Variants in CLEC1B observed in about 807,000 individuals in gnomAD.
CLEC1B encodes C-type lectin domain family 1 member B.
In CLEC1B, 26 loss-of-function variants were observed where a neutral mutation model predicts 26.7. That is an observed-to-expected ratio of 0.97 (90% CI 0.71 to 1.35). The LOEUF (loss-of-function observed/expected upper bound fraction) is 1.35. Ranked by LOEUF, CLEC1B falls within the 40% of genes most tolerant of loss-of-function variation. CLEC1B has a pLI of 0.00. For missense variants in CLEC1B, 293 were observed against 282.6 expected, an observed-to-expected ratio of 1.04 and a Z score of -0.26; for synonymous variants, 112 against 96.0, an observed-to-expected ratio of 1.17 and a Z score of -0.97.
intron 4 of CLEC1B, chr12:9,995,682 A>T: frequency 4.2e-6 from 1 of 238,812 alleles, no homozygotes; most frequent in South Asian, 5.0e-5. Context: ...ATAAAATCTT[A>T]CATATGGAAG....
chr12:9,993,777 G>A (rs976201257), intron 5 of CLEC1B, among the ~76,000 whole-genome samples: 3 of 152,042 alleles, frequency 2.0e-5, no homozygotes, highest in Admixed American at 1.3e-4. Flanking sequence ...AACACAGCAG[G>A]CTGTATTGTA....
chr12:9,997,726 T>C (rs1323923885), intron 2 of CLEC1B, among the ~76,000 whole-genome samples: 6 of 152,292 alleles, frequency 3.9e-5, no homozygotes, highest in African/African-American at 1.4e-4. Context: ...TACAAGAGGA[T>C]AAATGTTAGA....
upstream of CLEC1B, among the ~76,000 whole-genome samples, chr12:10,001,881 C>CT (rs11436719): frequency 0.61 from 81,626 of 134,072 alleles, 25,891 homozygotes; most frequent in Middle Eastern, 0.7. Context: ...TAAACAAAAT[C>CT]TTTTTTTTTT....
intron 5 of CLEC1B, among the ~76,000 whole-genome samples, chr12:9,993,949 T>G (rs570891823): frequency 3.3e-5 from 5 of 152,110 alleles, no homozygotes; most frequent in Non-Finnish European, 7.4e-5. Context: ...AAAGCTAATG[T>G]CTTTCTTGTT....
chr12:9,999,136 A>G (rs1435276828), upstream of CLEC1B: 2 of 1,445,494 alleles, frequency 1.4e-6, no homozygotes, highest in Non-Finnish European at 1.9e-6. Context: ...TCAGAGTTCA[A>G]TGACTTTGCA....
rs553435222 is a variant in CLEC1B, at chr12:9,993,429, GTTGAGAAAGTTCCACCC to G, written c.546-159_546-143del. 562 of 716,478 alleles carry G rather than the reference GTTGAGAAAGTTCCACCC, an allele frequency of 7.8e-4. 2 individuals are homozygous for G. Among genetic ancestry groups the G allele is most frequent in the Middle Eastern group, 2.9e-3 (12 of 4,162 alleles). The allele number at this position is 716,478 out of a possible 1,614,324, so 44.4% of individuals were successfully genotyped here. A position where few individuals can be genotyped will look rare whatever the true frequency, so the allele number is the denominator to read the frequency against. On this transcript the variant is annotated intron_variant, in intron 5 of 5. Transcript: ENST00000298527. ...AACAAAAAAAAAAACGATTCTCATT[GTTGAGAAAGTTCCACCC>G]TGCTTGGCAGTACAAGATATGCATA...
At chr12:9,999,123 AGC>A, upstream of CLEC1B, 1 of 1,554,990 alleles carries the variant, frequency 6.4e-7, no homozygotes, top group Non-Finnish European at 8.8e-7. Context: ...ACTGCAACTG[AGC>A]TCAGAGTTCA....
chr12:9,999,765 C>A (rs11053538), upstream of CLEC1B, among the ~76,000 whole-genome samples: 11,371 of 152,134 alleles, frequency 0.075, 452 homozygotes, highest in East Asian at 0.17. Flanking sequence ...TAAAATAATA[C>A]AGAGTTGGTG....
At chr12:9,999,824 C>T (rs969034289), upstream of CLEC1B, among the ~76,000 whole-genome samples, 3 of 152,102 alleles carry the variant, frequency 2.0e-5, no homozygotes, top group Non-Finnish European at 2.9e-5. Context: ...AGTGAGTTTC[C>T]TGGAATGGAA....
intron 4 of CLEC1B, chr12:9,995,509 C>G (rs1865021744): frequency 2.5e-6 from 1 of 398,328 alleles, no homozygotes; most frequent in African/African-American, 2.1e-5. Context: ...GTATTTAGAT[C>G]TTCAACCAGT....
chr12:9,999,134 C>G (rs1379103593), upstream of CLEC1B: 2 of 1,482,960 alleles, frequency 1.3e-6, no homozygotes, highest in South Asian at 2.4e-5. Flanking sequence ...GCTCAGAGTT[C>G]AATGACTTTG....
chr12:9,993,267 C>G lies in CLEC1B; in HGVS notation c.566G>C (p.Gly189Ala), dbSNP rs1430776670. Residue 189 changes from glycine to alanine, a missense_variant, in exon 6 of 6, where the codon GGA becomes GCA. By Grantham distance (60) the Gly-to-Ala change is moderately conservative. Coordinates refer to ENST00000298527, the MANE Select transcript of CLEC1B (RefSeq NM_016509.4). ...SENMFEFLED[G>A]KGNMNCAYFH... ...ATAAGCACAATTCATATTTCCTTTT[C>G]CATCTTCCAAAAACTCAAACCTGTG... The G allele has an allele frequency of 3.7e-6, 6 of 1,612,572 alleles. No homozygotes were observed. Among genetic ancestry groups the G allele is most frequent in the Admixed American group, 3.3e-5 (2 of 59,908 alleles).
At chr12:9,997,129 G>A (rs1865071551) in intron 3 of CLEC1B, 31 bp downstream of exon 3, 1 of 1,613,118 alleles carries the variant, frequency 6.2e-7, no homozygotes, top group Non-Finnish European at 8.5e-7. Flanking sequence ...AGGGGTTGGA[G>A]AGATGAAGAG....
intron 4 of CLEC1B, chr12:9,996,626 G>A (rs1414063233): frequency 4.6e-6 from 3 of 654,998 alleles, no homozygotes; most frequent in African/African-American, 3.6e-5. Flanking sequence ...TGTCAGGAAG[G>A]GACAAGTCAA....
At chr12:9,998,230 C>T (rs542516818) in intron 2 of CLEC1B, 52 bp downstream of exon 2, 1 of 1,356,728 alleles carries the variant, frequency 7.4e-7, no homozygotes, top group African/African-American at 1.4e-5. Flanking sequence ...TATGCCATGA[C>T]CCTTCAGTAT....
At chr12:9,997,068 T>G (rs1428275118) in intron 3 of CLEC1B, 68 bp from the exon 4 acceptor site, 1 of 1,609,150 alleles carries the variant, frequency 6.2e-7, no homozygotes, top group East Asian at 2.2e-5. Context: ...TCACATTCAA[T>G]GTTTTCTGCA....
chr12:9,997,400 C>T (rs959529644), intron 2 of CLEC1B, 121 bp from the exon 3 acceptor site: 10 of 827,592 alleles, frequency 1.2e-5, no homozygotes, highest in Admixed American at 8.4e-5. Flanking sequence ...ACTAGATACA[C>T]ATGATTAAAT....
intron 5 of CLEC1B, 106 bp downstream of exon 5, chr12:9,995,034 C>T: frequency 5.7e-6 from 9 of 1,582,478 alleles, no homozygotes; most frequent in African/African-American, 1.3e-5. Flanking sequence ...AGTGACCCAG[C>T]TGCTGCTTCT....
In CLEC1B at chr12:9,997,146, A is replaced by T. The variant is rs1865072404; in HGVS notation, c.283+14T>A. The T allele has an allele frequency of 8.7e-6, 14 of 1,613,720 alleles. No homozygotes were observed. The highest frequency in any genetic ancestry group is 1.2e-5 in the Non-Finnish European group (14 of 1,179,852). On this transcript the variant is annotated intron_variant, in intron 3 of 5. Coordinates refer to ENST00000298527, the MANE Select transcript of CLEC1B (RefSeq NM_016509.4). ...GGGTTGGAGAGATGAAGAGGTTAAA[A>T]AAACAATACTTACTGAAAGTGCCCT...
Sources: gnomAD v4.1 joint callset for allele counts (sites outside exome capture counted in the v4.1 genomes callset) on GRCh38, gnomAD v4.1.1 for gene constraint, MANE v1.5 for transcripts, NCBI Gene and HGNC (gene_info 2026-07-23, HGNC 2026-07-21) for gene names.